The following AP3S1 variants were observed in gnomAD, a reference collection of about 807,000 sequenced individuals.
AP3S1 encodes the protein AP-3 complex subunit sigma-1.
Under a neutral mutation model 21.3 loss-of-function variants are expected in AP3S1, and 12 were observed. The observed-to-expected ratio is 0.56, with a 90% CI of 0.36 to 0.91. AP3S1 has a LOEUF of 0.91. Among genes scored for constraint, AP3S1 ranks in the 40% least tolerant of loss-of-function variants. AP3S1 has a pLI of 0.01. For missense variants in AP3S1, 116 were observed against 225.0 expected (o/e 0.52, Z 3.10); for synonymous variants, 48 against 78.4 (o/e 0.61, Z 2.05).
At chr5:115,873,192 A>G (rs2112848233) in intron 3 of AP3S1, among the ~76,000 whole-genome samples, 1 of 152,314 alleles carries the variant, frequency 6.6e-6, no homozygotes, top group East Asian at 1.9e-4. Context: ...ATGAGAAAGT[A>G]GTTCTATCTC....
chr5:115,865,275 TAAC>T (rs1335095833), intron 1 of AP3S1, among the ~76,000 whole-genome samples: 1 of 152,184 alleles, frequency 6.6e-6, no homozygotes, highest in African/African-American at 2.4e-5. Context: ...ATTTTCTTAA[TAAC>T]ATTTTCTTTT....
At position 115,894,629 on chromosome 5, in the gene AP3S1, T is replaced by C. The variant is rs546149225; in HGVS notation, c.274-458T>C. On this transcript the variant is annotated intron_variant, in intron 3 of 5. Transcript: ENST00000316788. ...CCCAGGTAAGTCTGATTCCAAAGTC[T>C]GTGCTTTTTCGCTAAGTAGTTTTTA... Among the ~76,000 whole-genome samples the C allele has an allele frequency of 4.0e-5, 6 of 150,818 alleles. No homozygotes were observed. In the South Asian group the frequency reaches 1.3e-3, roughly 32 times the overall value.
intron 1 of AP3S1, among the ~76,000 whole-genome samples, chr5:115,853,194 G>A (rs545824628): frequency 2.0e-5 from 3 of 152,036 alleles, no homozygotes; most frequent in South Asian, 2.1e-4. Context: ...GTATCTTATT[G>A]TGATTTTCAC....
chr5:115,881,054 A>C (rs969264049), intron 3 of AP3S1, among the ~76,000 whole-genome samples: 7 of 151,634 alleles, frequency 4.6e-5, no homozygotes, highest in African/African-American at 1.7e-4. Flanking sequence ...TTTTCTTGGT[A>C]AATATTCCTC....
intron 5 of AP3S1, chr5:115,907,091 C>G: frequency 1.3e-6 from 1 of 795,080 alleles, no homozygotes; most frequent in Non-Finnish European, 1.5e-6. Flanking sequence ...TTTTGTCTGC[C>G]TGCATTGTAA....
intron 5 of AP3S1, chr5:115,907,087 C>G (rs1346338202): frequency 2.5e-6 from 2 of 807,006 alleles, no homozygotes; most frequent in Non-Finnish European, 1.5e-6. Context: ...TCTGTTTTGT[C>G]TGCCTGCATT....
chr5:115,875,312 T>C (rs1386949761), intron 3 of AP3S1, among the ~76,000 whole-genome samples: 1 of 152,190 alleles, frequency 6.6e-6, no homozygotes, highest in Non-Finnish European at 1.5e-5. Context: ...AGGAAAGGTC[T>C]CTGATCTTCC....
chr5:115,908,670 T>C (rs1751856424), intron 5 of AP3S1, among the ~76,000 whole-genome samples: 1 of 152,154 alleles, frequency 6.6e-6, no homozygotes. Flanking sequence ...GTTTTTTAAA[T>C]TTTTGAGCAC....
chr5:115,907,419 G>A (rs1000928209), intron 5 of AP3S1, among the ~76,000 whole-genome samples: 1 of 152,030 alleles, frequency 6.6e-6, no homozygotes, highest in Non-Finnish European at 1.5e-5. Context: ...CCCTCAAATG[G>A]TTTTCAGTTC....
At chr5:115,854,187 A>G (rs539818588) in intron 1 of AP3S1, among the ~76,000 whole-genome samples, 2 of 152,168 alleles carry the variant, frequency 1.3e-5, no homozygotes, top group African/African-American at 4.8e-5. Context: ...TCATGACCTT[A>G]TCACCTTTTA....
chr5:115,877,141 A>G (rs1024738778), intron 3 of AP3S1, among the ~76,000 whole-genome samples: 1 of 152,114 alleles, frequency 6.6e-6, no homozygotes, highest in African/African-American at 2.4e-5. Context: ...ATCATACCTC[A>G]ATATTTAATA....
intron 1 of AP3S1, among the ~76,000 whole-genome samples, chr5:115,866,114 G>GGAATAT (rs1763594370): frequency 6.6e-6 from 1 of 152,094 alleles, no homozygotes; most frequent in Admixed American, 6.6e-5. Context: ...GACTCTTACT[G>GGAATAT]GAATATGAAT....
At position 115,902,569 on chromosome 5, in the gene AP3S1, G is replaced by A. The variant is rs570616239; in HGVS notation, c.346-316G>A. On this transcript the variant is annotated intron_variant, in intron 4 of 5. Transcript: ENST00000316788. ...ACTTCACATAATAATAATAATAATG[G>A]TAGTTAATATTTACTAGTCATTTAC... Among the ~76,000 whole-genome samples, 13 of 152,056 alleles carry A rather than the reference G, an allele frequency of 8.5e-5. No homozygotes were observed. The South Asian group carries it at 2.7e-3, about 32-fold the overall frequency.
intron 5 of AP3S1, among the ~76,000 whole-genome samples, chr5:115,906,435 C>G (rs1751658379): frequency 1.3e-5 from 2 of 152,036 alleles, no homozygotes; most frequent in Non-Finnish European, 2.9e-5. Context: ...TTCCCAATAC[C>G]TAGACAGGTG....
At chr5:115,894,826 G>A (rs1007683589) in intron 3 of AP3S1, among the ~76,000 whole-genome samples, 1 of 152,128 alleles carries the variant, frequency 6.6e-6, no homozygotes, top group African/African-American at 2.4e-5. Flanking sequence ...TGTAAGAAAT[G>A]GTGCTAAGAC....
intron 5 of AP3S1, among the ~76,000 whole-genome samples, chr5:115,911,686 C>G (rs1007194789): frequency 3.3e-5 from 5 of 151,906 alleles, no homozygotes; most frequent in African/African-American, 1.2e-4. Flanking sequence ...ATTTTGGTAG[C>G]TAGACCTTTA....
intron 4 of AP3S1, among the ~76,000 whole-genome samples, chr5:115,897,391 A>T (rs970948720): frequency 1.3e-5 from 2 of 152,202 alleles, no homozygotes; most frequent in Non-Finnish European, 2.9e-5. Context: ...CAAAAGACAG[A>T]GATCAAATAA....
intron 5 of AP3S1, among the ~76,000 whole-genome samples, chr5:115,907,943 A>G (rs1751787012): frequency 6.6e-6 from 1 of 152,172 alleles, no homozygotes. Flanking sequence ...AGTCCTATGG[A>G]GGAAAAAATG....
intron 1 of AP3S1, among the ~76,000 whole-genome samples, chr5:115,853,649 G>A (rs1762601751): frequency 6.6e-6 from 1 of 152,150 alleles, no homozygotes; most frequent in Non-Finnish European, 1.5e-5. Flanking sequence ...ATGGTGTGAG[G>A]TGGGGATCCA....
Sources: allele counts gnomAD v4.1 joint callset (sites outside exome capture counted in the v4.1 genomes callset), GRCh38; gene constraint gnomAD v4.1.1; transcripts MANE v1.5; gene names NCBI Gene and HGNC (gene_info 2026-07-23, HGNC 2026-07-21).